Variants in RORA observed in about 807,000 individuals in gnomAD.
RORA encodes nuclear receptor ROR-alpha.
A neutral mutation model predicts 69.5 loss-of-function variants in RORA; 7 were observed. The observed-to-expected ratio is 0.10, with a 90% confidence interval of 0.06 to 0.19. The LOEUF (loss-of-function observed/expected upper bound fraction) is 0.19, where lower values mean the gene tolerates loss of function less well. Ranked by LOEUF, RORA falls within the 10% of genes least tolerant of loss-of-function variation. The pLI is 1.00. For synonymous variants in RORA, 261 were observed against 240.8 expected, an observed-to-expected ratio of 1.08 and a Z score of -0.78; for missense variants, 457 against 663.0, an observed-to-expected ratio of 0.69 and a Z score of 3.41.
chr15:60,636,514 C>A lies in RORA; in HGVS notation c.196+42143G>T, dbSNP rs1306295952. ...ACTTGAATAAAAGTAGGTAATAGTA[C>A]CACTCTTGGCTTAGAAGTATCTGAT... On this transcript the variant is annotated intron_variant, in intron 2 of 10. Transcript: ENST00000335670. Among the ~76,000 whole-genome samples the A allele has an allele frequency of 2.0e-5, 3 of 152,208 alleles. No homozygotes were observed. The East Asian group carries it at 5.8e-4, about 29-fold the overall frequency.
At chr15:60,932,045 A>G (rs552430032) in intron 1 of RORA, among the ~76,000 whole-genome samples, 16 of 147,182 alleles carry the variant, frequency 1.1e-4, no homozygotes, top group African/African-American at 3.9e-4. Flanking sequence ...TTTTTTTTTT[A>G]AATGAAGATC....
intron 1 of RORA, among the ~76,000 whole-genome samples, chr15:61,017,246 C>G (rs909001821): frequency 6.6e-6 from 1 of 152,182 alleles, no homozygotes; most frequent in Admixed American, 6.5e-5. Flanking sequence ...CCAGGACAGG[C>G]TTTGTGTAGA....
intron 1 of RORA, among the ~76,000 whole-genome samples, chr15:60,722,058 C>A (rs1037430736): frequency 2.6e-5 from 4 of 152,246 alleles, no homozygotes; most frequent in African/African-American, 9.6e-5. Flanking sequence ...ATTACTGAAA[C>A]TATACCAATA....
At chr15:60,772,648 C>A (rs1176668235) in intron 1 of RORA, among the ~76,000 whole-genome samples, 2 of 152,164 alleles carry the variant, frequency 1.3e-5, no homozygotes, top group Non-Finnish European at 2.9e-5. Context: ...TTGTTAGGAA[C>A]TTGCTTTGCC....
At chr15:60,860,811 G>C (rs1484892069) in intron 1 of RORA, among the ~76,000 whole-genome samples, 1 of 152,198 alleles carries the variant, frequency 6.6e-6, no homozygotes. Context: ...AAGTGTGCTA[G>C]GGTAATGGAG....
At chr15:60,938,799 C>G (rs975519733) in intron 1 of RORA, among the ~76,000 whole-genome samples, 1 of 152,148 alleles carries the variant, frequency 6.6e-6, no homozygotes, top group Non-Finnish European at 1.5e-5. Flanking sequence ...AACATTAATA[C>G]AAATCTGCCT....
chr15:60,891,864 T>C (rs959230514), intron 1 of RORA, among the ~76,000 whole-genome samples: 1 of 152,254 alleles, frequency 6.6e-6, no homozygotes, highest in African/African-American at 2.4e-5. Context: ...TTTAGCTTTA[T>C]GGTCACCACC....
At chr15:61,137,215 T>C (rs1017729498) in intron 1 of RORA, among the ~76,000 whole-genome samples, 1 of 152,180 alleles carries the variant, frequency 6.6e-6, no homozygotes, top group African/African-American at 2.4e-5. Context: ...TATTCTAAAG[T>C]TATCCTTTGA....
chr15:61,175,329 C>G (rs1310155221), intron 1 of RORA, among the ~76,000 whole-genome samples: 2 of 152,138 alleles, frequency 1.3e-5, no homozygotes, highest in South Asian at 2.1e-4. Context: ...AAATGCCAAG[C>G]TGCCTCAAGG....
At chr15:60,861,635 C>T (rs942801084) in intron 1 of RORA, among the ~76,000 whole-genome samples, 3 of 152,064 alleles carry the variant, frequency 2.0e-5, no homozygotes, top group Admixed American at 6.6e-5. Context: ...ACTACAGGTG[C>T]GAGCCACCAT....
At chr15:60,518,673 G>A (rs898699420) in intron 3 of RORA, among the ~76,000 whole-genome samples, 1 of 152,202 alleles carries the variant, frequency 6.6e-6, no homozygotes, top group Non-Finnish European at 1.5e-5. Flanking sequence ...CTACCTCCTA[G>A]CGCCGTCTGT....
chr15:60,996,347 C>T (rs1390832765), intron 1 of RORA, among the ~76,000 whole-genome samples: 1 of 152,198 alleles, frequency 6.6e-6, no homozygotes, highest in Non-Finnish European at 1.5e-5. Flanking sequence ...GCTAGGATTA[C>T]AGGCATGAGC....
At chr15:60,814,485 T>G (rs547630104) in intron 1 of RORA, among the ~76,000 whole-genome samples, 1 of 152,284 alleles carries the variant, frequency 6.6e-6, no homozygotes, top group Non-Finnish European at 1.5e-5. Flanking sequence ...TAAATATTCA[T>G]GGAATAAAAT....
chr15:60,566,789 C>T (rs975117186), intron 2 of RORA, among the ~76,000 whole-genome samples: 33 of 152,216 alleles, frequency 2.2e-4, no homozygotes, highest in African/African-American at 7.9e-4. Context: ...GGAGAGGTCC[C>T]AGCATGAACA....
Position 60,678,687 on chromosome 15 carries a change from C to A in RORA, c.167-1G>T. ...TGTGTCTTCTTCGTTACTGAGATAC[C>A]TGGAAGAGAAGAAACAATAACATAG... On this transcript the variant is annotated splice_acceptor_variant, in intron 1 of 10. Transcript: ENST00000335670. LOFTEE classifies it high-confidence loss of function. 1 of 1,611,778 alleles carries A rather than the reference C, an allele frequency of 6.2e-7. No homozygotes were observed. The highest frequency in any genetic ancestry group is 8.5e-7 in the Non-Finnish European group (1 of 1,177,962).
intron 1 of RORA, among the ~76,000 whole-genome samples, chr15:60,925,712 A>G (rs1472642706): frequency 6.6e-6 from 1 of 152,208 alleles, no homozygotes; most frequent in African/African-American, 2.4e-5. Flanking sequence ...CTTCACTGGA[A>G]GCATGAGGGT....
rs1229513399 is a variant in RORA, at chr15:61,218,704, ACACAC to A, written c.166+10344_166+10348del. 5.9e-5 allele frequency among the ~76,000 whole-genome samples: 9 copies of A among 151,858 alleles called. No individual in the cohort carries two copies. In the South Asian group the frequency reaches 8.4e-4, roughly 14 times the overall value. ...CACACACACACACACACACACACAC[ACACAC>A]AATTTCCTTCTACAAAAAAGATGGC... is the stretch of plus-strand genomic sequence containing the variant. On this transcript the variant is annotated intron_variant, in intron 1 of 10. Coordinates refer to ENST00000335670, the MANE Select transcript of RORA (RefSeq NM_134261.3).
chr15:60,884,912 C>G (rs759737161), intron 1 of RORA, among the ~76,000 whole-genome samples: 13 of 152,162 alleles, frequency 8.5e-5, no homozygotes, highest in Non-Finnish European at 1.8e-4. Context: ...GATTGGGAAT[C>G]CAGGGGTGAG....
rs185216892 is a variant in RORA at position 61,188,120 on chromosome 15, C to A, written c.166+40933G>T. 8.0e-3 allele frequency among the ~76,000 whole-genome samples: 1,217 copies of A among 152,290 alleles called. 11 individuals are homozygous for A. The highest frequency in any genetic ancestry group is 0.011 in the Non-Finnish European group (752 of 68,018). ...TCCCCCGAAATACCCAATGACCCAA[C>A]CCCAAGCTGTCTGGGCTTCAAAGAG... On this transcript the variant is annotated intron_variant, in intron 1 of 10. Transcript: ENST00000335670.
Sources: allele counts gnomAD v4.1 joint callset (sites outside exome capture counted in the v4.1 genomes callset), GRCh38; gene constraint gnomAD v4.1.1; transcripts MANE v1.5; gene names NCBI Gene and HGNC (gene_info 2026-07-23, HGNC 2026-07-21).